LZTFL1: variants seen among roughly 807,000 people sequenced by gnomAD.
LZTFL1 encodes leucine zipper transcription factor like 1.
In LZTFL1, 25 loss-of-function variants were observed where a neutral mutation model predicts 45.9. That is an observed-to-expected ratio of 0.54 (90% CI 0.40 to 0.76). The LOEUF (loss-of-function observed/expected upper bound fraction) is 0.76, where lower values mean the gene tolerates loss of function less well. LZTFL1 is among the 30% of genes least tolerant of loss of function. The probability of loss-of-function intolerance (pLI) is 0.00; values close to 1 mark genes in which losing one functional copy is unlikely to be tolerated. For missense variants in LZTFL1, 277 were observed against 331.1 expected (o/e 0.84, Z 1.27); for synonymous variants, 93 against 117.4 (o/e 0.79, Z 1.35).
intron 2 of LZTFL1, among the ~76,000 whole-genome samples, chr3:45,877,234 T>A (rs995998277): frequency 6.8e-6 from 1 of 146,188 alleles, no homozygotes. Context: ...AAGCATCTCT[T>A]TTTTTTTTTT....
At chr3:45,829,608 G>GAAAAA (rs1206418827) in intron 7 of LZTFL1, among the ~76,000 whole-genome samples, 16 of 58,908 alleles carry the variant, frequency 2.7e-4, no homozygotes, top group Non-Finnish European at 4.6e-4. Context: ...TGTCTCAAAA[G>GAAAAA]AAAAAAAAAA....
At chr3:45,855,237 A>G (rs1028291456) in intron 3 of LZTFL1, among the ~76,000 whole-genome samples, 3 of 152,222 alleles carry the variant, frequency 2.0e-5, no homozygotes, top group African/African-American at 7.2e-5. Context: ...CTTCATCCCC[A>G]TGATGCAAGG....
intron 4 of LZTFL1, among the ~76,000 whole-genome samples, chr3:45,851,105 C>A (rs1365686721): frequency 6.6e-6 from 1 of 152,164 alleles, no homozygotes. Flanking sequence ...TGTTCCACGC[C>A]TTGTTGAAAT....
intron 2 of LZTFL1, among the ~76,000 whole-genome samples, chr3:45,877,390 C>T (rs758205690): frequency 1.3e-5 from 2 of 151,858 alleles, no homozygotes; most frequent in Non-Finnish European, 2.9e-5. Context: ...CACGCCACCA[C>T]GCCTGGCTAA....
At chr3:45,831,644 C>A (rs755767644) in intron 5 of LZTFL1, among the ~76,000 whole-genome samples, 10 of 152,186 alleles carry the variant, frequency 6.6e-5, no homozygotes, top group Non-Finnish European at 1.0e-4. Context: ...CTCAAATAAA[C>A]ACATCAGCCC....
intron 2 of LZTFL1, among the ~76,000 whole-genome samples, chr3:45,909,160 A>C (rs984122730): frequency 6.6e-6 from 1 of 152,176 alleles, no homozygotes; most frequent in African/African-American, 2.4e-5. Context: ...CAGGCTTCCC[A>C]CTGATTCTAC....
intron 2 of LZTFL1, among the ~76,000 whole-genome samples, chr3:45,899,645 T>C (rs75255806): frequency 6.6e-6 from 1 of 152,182 alleles, no homozygotes; most frequent in East Asian, 1.9e-4. Flanking sequence ...TGGTGGAATT[T>C]GGGAGTCCTA....
In LZTFL1 at chr3:45,828,621, A is replaced by G; in HGVS notation, c.601-6T>C. 6.3e-7 allele frequency: 1 copy of G among 1,596,348 alleles called. No homozygotes were observed. Among genetic ancestry groups the G allele is most frequent in the Non-Finnish European group, 8.5e-7 (1 of 1,170,762 alleles). The stretch of plus-strand genomic sequence containing the variant: ...TCTTGGGCCTTTATAAAATCCTATG[A>G]AAAATAAATGCATGCATGTAATTTC... On this transcript the variant is annotated splice_region_variant and splice_polypyrimidine_tract_variant and intron_variant, in intron 7 of 9. Coordinates refer to ENST00000296135, the MANE Select transcript of LZTFL1 (RefSeq NM_020347.4).
intron 8 of LZTFL1, 74 bp downstream of exon 8, chr3:45,828,365 C>A: frequency 7.8e-7 from 1 of 1,283,842 alleles, no homozygotes; most frequent in South Asian, 1.7e-5. Flanking sequence ...TTTATCTTAG[C>A]CACATGTATT....
chr3:45,898,302 C>A (rs567924539), intron 2 of LZTFL1, among the ~76,000 whole-genome samples: 1 of 152,130 alleles, frequency 6.6e-6, no homozygotes, highest in Non-Finnish European at 1.5e-5. Flanking sequence ...CCGTGTCCAG[C>A]GTTGGGAGGA....
intron 2 of LZTFL1, among the ~76,000 whole-genome samples, chr3:45,884,921 G>A (rs1701939757): frequency 6.6e-6 from 1 of 152,208 alleles, no homozygotes; most frequent in South Asian, 2.1e-4. Context: ...TCTCAGCTAT[G>A]TATAGTTTCA....
At chr3:45,906,088 C>G (rs978121762) in intron 2 of LZTFL1, among the ~76,000 whole-genome samples, 1 of 152,178 alleles carries the variant, frequency 6.6e-6, no homozygotes, top group Non-Finnish European at 1.5e-5. Context: ...CGTCCTGCAA[C>G]AATTTTCTCA....
At chr3:45,895,671 G>T (rs952504967) in intron 2 of LZTFL1, among the ~76,000 whole-genome samples, 1 of 150,878 alleles carries the variant, frequency 6.6e-6, no homozygotes, top group East Asian at 1.9e-4. Flanking sequence ...CCAAGATCAC[G>T]CCATTGCACT....
intron 1 of LZTFL1, among the ~76,000 whole-genome samples, chr3:45,913,746 A>G (rs1702845352): frequency 6.6e-6 from 1 of 152,094 alleles, no homozygotes; most frequent in Non-Finnish European, 1.5e-5. Context: ...AAGACCTTTG[A>G]TTCTGTGTAC....
At chr3:45,910,581 A>C (rs1324356094) in intron 2 of LZTFL1, among the ~76,000 whole-genome samples, 1 of 152,216 alleles carries the variant, frequency 6.6e-6, no homozygotes, top group Non-Finnish European at 1.5e-5. Flanking sequence ...GCTGAGGAGC[A>C]AATCAATGGG....
rs558515143 is a variant in LZTFL1, at chr3:45,908,822, T to C, written c.-215+4298A>G. On this transcript the variant is annotated intron_variant, in intron 2 of 4. Coordinates refer to the LZTFL1 transcript ENST00000472635. ...ACATACACAAAAGCAGAGGGAATAG[T>C]ATTAATGCAGGGGTCCCCAACCCCT... Among the ~76,000 whole-genome samples the C allele has an allele frequency of 2.0e-5, 3 of 152,222 alleles. No individual in the cohort carries two copies. In the South Asian group the frequency reaches 6.2e-4, roughly 32 times the overall value.
At position 45,840,547 on chromosome 3, in the gene LZTFL1, G is replaced by C. The variant is rs902614089; in HGVS notation, c.3+1442C>G. Among the ~76,000 whole-genome samples, 4 of 152,184 alleles carry C rather than the reference G, an allele frequency of 2.6e-5. No individual in the cohort carries two copies. In the East Asian group the frequency reaches 7.7e-4, roughly 29 times the overall value. On this transcript the variant is annotated intron_variant, in intron 1 of 9. Transcript: ENST00000296135. ...AGATATGATGATCAGTCCTAAAATGGTTAGAAACAATGGGAGGTATCCAAG... is the reference window on the plus strand; with the variant it reads ...AGATATGATGATCAGTCCTAAAATGCTTAGAAACAATGGGAGGTATCCAAG...
chr3:45,889,549 C>G (rs980013137), intron 2 of LZTFL1, among the ~76,000 whole-genome samples: 1 of 151,982 alleles, frequency 6.6e-6, no homozygotes. Context: ...AAATTTTACA[C>G]ACTTGGTAAG....
Position 45,842,075 on chromosome 3 carries a change from G to A in LZTFL1, c.-84C>T. The A allele has an allele frequency of 1.9e-6, 3 of 1,587,606 alleles. No homozygotes were observed. Among genetic ancestry groups the A allele is most frequent in the Non-Finnish European group, 2.6e-6 (3 of 1,169,326 alleles). On this transcript the variant is annotated 5_prime_UTR_variant, in exon 1 of 10. Transcript: ENST00000296135. ...AGCCTGGGATCGCCGAGGGTAGTTG[G>A]ACCACAGAAAATGGGGAAGGAGGGT...
Sources: gnomAD v4.1 joint callset for allele counts (sites outside exome capture counted in the v4.1 genomes callset) on GRCh38, gnomAD v4.1.1 for gene constraint, MANE v1.5 for transcripts, NCBI Gene and HGNC (gene_info 2026-07-23, HGNC 2026-07-21) for gene names.